NTM: variants seen among roughly 807,000 people sequenced by gnomAD.
NTM encodes neurotrimin.
Under a neutral mutation model 42.1 loss-of-function variants are expected in NTM, and 13 were observed. That is an observed-to-expected ratio of 0.31 (90% CI 0.20 to 0.49). The LOEUF is 0.49. Ranked by LOEUF, NTM falls within the 20% of genes least tolerant of loss-of-function variation. NTM has a pLI of 0.99. For synonymous variants in NTM, 187 were observed against 179.2 expected, an observed-to-expected ratio of 1.04 and a Z score of -0.35; for missense variants, 373 against 452.8, an observed-to-expected ratio of 0.82 and a Z score of 1.60.
intron 1 of NTM, chr11:131,660,646 A>G (rs1389295124): frequency 2.2e-6 from 1 of 452,326 alleles, no homozygotes; most frequent in Non-Finnish European, 4.4e-6. Flanking sequence ...CTCCCCCCTT[A>G]TTCCTTCCTG....
intron 1 of NTM, among the ~76,000 whole-genome samples, chr11:131,467,220 G>T (rs1423071859): frequency 6.6e-6 from 1 of 152,228 alleles, no homozygotes; most frequent in Non-Finnish European, 1.5e-5. Flanking sequence ...TGGGCCAAGA[G>T]GGGTAAGAAG....
intron 1 of NTM, among the ~76,000 whole-genome samples, chr11:131,822,125 G>A (rs527928948): frequency 6.1e-5 from 9 of 148,332 alleles, no homozygotes; most frequent in Admixed American, 2.0e-4. Context: ...TGACAGTACT[G>A]CTATGTTGTC....
At chr11:131,488,971 C>T (rs1386587987) in intron 1 of NTM, among the ~76,000 whole-genome samples, 1 of 152,144 alleles carries the variant, frequency 6.6e-6, no homozygotes, top group Admixed American at 6.6e-5. Flanking sequence ...TTCTAAAATC[C>T]AGGAAGGCAT....
Position 132,202,056 on chromosome 11 carries a change from T to G in NTM, c.401-9966T>G, listed in dbSNP as rs183943989. ...CTTCCTCACGAAATTATGTAATGAA[T>G]TAGATTAATTGATTCCTTTCTCATT... is the stretch of plus-strand genomic sequence containing the variant. On this transcript the variant is annotated intron_variant, in intron 3 of 8. Transcript: ENST00000683400. Among the ~76,000 whole-genome samples the G allele has an allele frequency of 2.0e-5, 3 of 152,344 alleles. No individual in the cohort carries two copies. The East Asian group carries it at 5.8e-4, about 29-fold the overall frequency.
At chr11:132,142,722 G>T (rs374124203) in intron 2 of NTM, among the ~76,000 whole-genome samples, 10 of 152,118 alleles carry the variant, frequency 6.6e-5, no homozygotes, top group Non-Finnish European at 1.2e-4. Context: ...GTTCAGAACC[G>T]CAGCTGGAAC....
At chr11:132,149,708 C>A (rs1038702427) in intron 3 of NTM, among the ~76,000 whole-genome samples, 4 of 152,044 alleles carry the variant, frequency 2.6e-5, no homozygotes, top group Non-Finnish European at 4.4e-5. Flanking sequence ...CCACATGGAG[C>A]AAGTCTCTGG....
chr11:131,676,508 C>T (rs1275794884), intron 1 of NTM, among the ~76,000 whole-genome samples: 4 of 152,072 alleles, frequency 2.6e-5, no homozygotes, highest in East Asian at 1.9e-4. Flanking sequence ...CGCATGCATG[C>T]GTGACTGTGA....
chr11:131,619,451 C>T lies in NTM; in HGVS notation c.82+248563C>T, dbSNP rs973430539. Among the ~76,000 whole-genome samples the T allele has an allele frequency of 1.8e-4, 28 of 152,248 alleles. 1 individual carries two copies. The highest frequency in any genetic ancestry group is 1.6e-3 in the Admixed American group (24 of 15,296). On this transcript the variant is annotated intron_variant, in intron 1 of 8. Transcript: ENST00000683400. ...AGGCTGTGGGAGTACAGAGGATGAG[C>T]AACTCTTTTGCAGTAGCTGAAGGTC...
At chr11:132,248,454 C>T (rs1454430149) in intron 4 of NTM, among the ~76,000 whole-genome samples, 1 of 151,962 alleles carries the variant, frequency 6.6e-6, no homozygotes, top group Non-Finnish European at 1.5e-5. Context: ...TTAAAATGGC[C>T]TTTCATCTGA....
At chr11:131,744,158 T>A (rs888557683) in intron 1 of NTM, among the ~76,000 whole-genome samples, 1 of 152,214 alleles carries the variant, frequency 6.6e-6, no homozygotes, top group African/African-American at 2.4e-5. Flanking sequence ...TAGAGGTAAT[T>A]ATTCCTAATT....
intron 1 of NTM, among the ~76,000 whole-genome samples, chr11:131,617,018 C>T (rs1006506960): frequency 1.3e-5 from 2 of 152,146 alleles, no homozygotes; most frequent in Admixed American, 1.3e-4. Context: ...GATTCCAGCT[C>T]CAACTCCTGC....
chr11:131,992,592 T>C (rs2067226943), intron 2 of NTM, among the ~76,000 whole-genome samples: 1 of 152,100 alleles, frequency 6.6e-6, no homozygotes, highest in Non-Finnish European at 1.5e-5. Context: ...ATTCTCCTCT[T>C]TATGCAGAAC....
chr11:131,401,834 A>ATATATATATATATGTATG (rs1945246765), intron 1 of NTM, among the ~76,000 whole-genome samples: 1 of 86,274 alleles, frequency 1.2e-5, no homozygotes, highest in African/African-American at 4.2e-5. Context: ...ATATATATAT[A>ATATATATATATATGTATG]TATATATATA....
chr11:132,309,991 A>G lies in NTM; in HGVS notation c.662-121A>G, dbSNP rs932334078. The G allele has an allele frequency of 2.1e-5, 26 of 1,222,096 alleles. No homozygotes were observed. The Admixed American group carries it at 7.9e-4, about 37-fold the overall frequency. 75.7% of individuals were successfully genotyped at this position (1,222,096 alleles called of 1,614,324 possible). On this transcript the variant is annotated intron_variant, in intron 5 of 8. Coordinates refer to ENST00000683400, the MANE Select transcript of NTM (RefSeq NM_001352005.2). The stretch of plus-strand genomic sequence containing the variant: ...GAATTGCTTGAACCCGGGAGGCAGA[A>G]CGTGCAGTGAGCCAAGATCATGCCA...
intron 2 of NTM, among the ~76,000 whole-genome samples, chr11:132,066,713 G>A (rs1255108323): frequency 6.6e-6 from 1 of 152,118 alleles, no homozygotes; most frequent in Non-Finnish European, 1.5e-5. Context: ...TCTCTCTGAT[G>A]CATATTCACA....
intron 1 of NTM, among the ~76,000 whole-genome samples, chr11:131,667,469 T>C (rs534362902): frequency 1.4e-4 from 21 of 152,314 alleles, no homozygotes; most frequent in East Asian, 5.8e-4. Context: ...TTTTGCTTTG[T>C]ATGTAAGCAT....
intron 4 of NTM, among the ~76,000 whole-genome samples, chr11:132,277,972 C>T (rs1323192347): frequency 2.6e-5 from 4 of 152,096 alleles, no homozygotes; most frequent in Admixed American, 6.6e-5. Flanking sequence ...ATTGAGAACT[C>T]GAAAAATAAT....
intron 2 of NTM, among the ~76,000 whole-genome samples, chr11:131,918,990 T>C (rs1281632224): frequency 6.6e-6 from 1 of 152,132 alleles, no homozygotes; most frequent in African/African-American, 2.4e-5. Context: ...TCCACGTACT[T>C]CTCTGGAATG....
At chr11:131,816,285 A>T (rs1000064210) in intron 1 of NTM, among the ~76,000 whole-genome samples, 1 of 152,160 alleles carries the variant, frequency 6.6e-6, no homozygotes, top group Non-Finnish European at 1.5e-5. Flanking sequence ...TGTTTTCACA[A>T]GGGTCATGTG....
Sources: allele counts gnomAD v4.1 joint callset (sites outside exome capture counted in the v4.1 genomes callset), GRCh38; gene constraint gnomAD v4.1.1; transcripts MANE v1.5; gene names NCBI Gene and HGNC (gene_info 2026-07-23, HGNC 2026-07-21).